Variants in EZR observed in about 807,000 individuals in gnomAD.
EZR encodes the protein cytovillin 2.
EZR carries 40 observed loss-of-function variants against 74.8 expected under a neutral mutation model. The ratio of observed to expected loss-of-function variants is 0.53; its 90% CI spans 0.42 to 0.70. The LOEUF (loss-of-function observed/expected upper bound fraction) is 0.70. EZR is among the 30% of genes least tolerant of loss of function. The pLI is 0.00. For synonymous variants in EZR, 341 were observed against 283.3 expected (o/e 1.20, Z -2.05); for missense variants, 678 against 755.8 (o/e 0.90, Z 1.21).
chr6:158,803,505 C>A (rs1777233605), intron 2 of EZR, among the ~76,000 whole-genome samples: 1 of 129,390 alleles, frequency 7.7e-6, no homozygotes, highest in Non-Finnish European at 1.6e-5. Context: ...TTTACCAACT[C>A]CAGGGTAAAT....
rs755883473 is a variant in EZR, at chr6:158,770,901, C to A, written c.960-7G>T. ...CTCTGTTTCCAGCTGTTGCCTGGTG[C>A]AGGGAAAAAGAGGCACAGGGAGATT... On this transcript the variant is annotated splice_region_variant and splice_polypyrimidine_tract_variant and intron_variant, in intron 9 of 13. Transcript: ENST00000367075. 5.6e-6 allele frequency: 9 copies of A among 1,614,004 alleles called. No individual in the cohort carries two copies. Among genetic ancestry groups the A allele is most frequent in the Non-Finnish European group, 6.8e-6 (8 of 1,180,024 alleles).
chr6:158,780,154 C>T (rs960317884), intron 7 of EZR, among the ~76,000 whole-genome samples: 3 of 148,778 alleles, frequency 2.0e-5, no homozygotes, highest in Admixed American at 2.0e-4. Flanking sequence ...TTGCACTCCA[C>T]CCTGGGTGAC....
rs552039243 is a variant in EZR at position 158,795,254 on chromosome 6, A to AAAAT, written c.13-5887_13-5884dup. Among the ~76,000 whole-genome samples, 292 of 151,998 alleles carry AAAAT rather than the reference A, an allele frequency of 1.9e-3. 2 individuals carry two copies. Among genetic ancestry groups the AAAAT allele is most frequent in the African/African-American group, 4.4e-3 (182 of 41,432 alleles). ...GTGACAGGGTGAGACTCCATCGCAA[A>AAAAT]AAATAAATAAATAAATAAATAAATA... is the stretch of plus-strand genomic sequence containing the variant. On this transcript the variant is annotated intron_variant, in intron 2 of 13. Transcript: ENST00000367075.
At chr6:158,794,477 A>T (rs1777024246) in intron 2 of EZR, among the ~76,000 whole-genome samples, 1 of 152,230 alleles carries the variant, frequency 6.6e-6, no homozygotes, top group South Asian at 2.1e-4. Context: ...CAATAATGCC[A>T]GAGGAATAAG....
rs191682370 is a variant in EZR at position 158,812,781 on chromosome 6, G to C, written c.12+5301C>G. Among the ~76,000 whole-genome samples the C allele has an allele frequency of 2.1e-3, 319 of 152,106 alleles. 3 individuals carry two copies. The highest frequency in any genetic ancestry group is 3.3e-3 in the Non-Finnish European group (227 of 67,998). Reference sequence around the variant, plus strand: ...CTTCTCCAGGATTACTTACCTCAGCGATGGCACCACCACACATCCACTTGC... The same window carrying C: ...CTTCTCCAGGATTACTTACCTCAGCCATGGCACCACCACACATCCACTTGC... On this transcript the variant is annotated intron_variant, in intron 2 of 13. Transcript: ENST00000367075.
Position 158,765,926 on chromosome 6 carries a change from A to AAC in EZR, c.*986_*987dup, listed in dbSNP as rs1399458010. 7.4e-6 allele frequency: 1 copy of AAC among 134,550 alleles called. No individual in the cohort carries two copies. Among genetic ancestry groups the AAC allele is most frequent in the African/African-American group, 2.7e-5 (1 of 37,234 alleles). The allele number at this position is 134,550 out of a possible 1,614,324, so 8.3% of individuals were successfully genotyped here. ...GGCAGAGAGAGACTGCAAACAAACA[A>AAC]ACACAAGCAAACAGAGTCTCTTCAC... On this transcript the variant is annotated 3_prime_UTR_variant, in exon 14 of 14. Coordinates refer to ENST00000367075, the MANE Select transcript of EZR (RefSeq NM_001111077.2).
At chr6:158,781,956 C>T (rs1077202) in intron 7 of EZR, among the ~76,000 whole-genome samples, 61,813 of 151,610 alleles carry the variant, frequency 0.41, 13,253 homozygotes, top group Non-Finnish European at 0.49. Flanking sequence ...GACGGGGTTT[C>T]GCCATGTTCC....
chr6:158,780,830 AG>A (rs1791415475), intron 7 of EZR, among the ~76,000 whole-genome samples: 2 of 152,336 alleles, frequency 1.3e-5, no homozygotes, highest in African/African-American at 2.4e-5. Flanking sequence ...AATGCCTGTC[AG>A]GAGGGCGCTT....
intron 1 of EZR, among the ~76,000 whole-genome samples, 181 bp downstream of exon 1, chr6:158,819,136 G>C (rs1294910727): frequency 6.6e-6 from 1 of 152,008 alleles, no homozygotes; most frequent in African/African-American, 2.4e-5. Flanking sequence ...CGAGGGGAAG[G>C]TCGCGGGGCC....
chr6:158,777,540 G>A (rs537269953), intron 7 of EZR, among the ~76,000 whole-genome samples: 9 of 152,162 alleles, frequency 5.9e-5, no homozygotes, highest in Non-Finnish European at 1.2e-4. Flanking sequence ...TGGAAATAAC[G>A]ACAAATCCTC....
intron 7 of EZR, among the ~76,000 whole-genome samples, chr6:158,778,040 C>G (rs1323198315): frequency 6.6e-6 from 1 of 152,228 alleles, no homozygotes. Context: ...TGCCCTGCTA[C>G]TGACTTCAGC....
intron 2 of EZR, among the ~76,000 whole-genome samples, chr6:158,814,277 C>A (rs1233877296): frequency 6.6e-6 from 1 of 152,170 alleles, no homozygotes; most frequent in African/African-American, 2.4e-5. Context: ...AGTGCTGCCG[C>A]GTGCGCCCCC....
chr6:158,784,986 A>G (rs1406978558), intron 5 of EZR, among the ~76,000 whole-genome samples: 1 of 152,212 alleles, frequency 6.6e-6, no homozygotes, highest in Non-Finnish European at 1.5e-5. Context: ...CAAATGGGGT[A>G]ATTTTTGTGA....
intron 7 of EZR, among the ~76,000 whole-genome samples, chr6:158,778,321 G>A (rs1244045029): frequency 2.0e-5 from 3 of 152,138 alleles, no homozygotes; most frequent in Non-Finnish European, 2.9e-5. Flanking sequence ...TTAGGCCTCC[G>A]GCTCTCTGGT....
chr6:158,817,291 A>G (rs553083025), intron 2 of EZR, among the ~76,000 whole-genome samples: 1 of 152,334 alleles, frequency 6.6e-6, no homozygotes, highest in Non-Finnish European at 1.5e-5. Context: ...TAGAATACAT[A>G]CAACTTTCTA....
At chr6:158,803,836 C>T (rs1222553700) in intron 2 of EZR, among the ~76,000 whole-genome samples, 1 of 151,472 alleles carries the variant, frequency 6.6e-6, no homozygotes, top group East Asian at 1.9e-4. Flanking sequence ...AAAAAGCGGA[C>T]AAACCAGTCC....
chr6:158,791,706 ATT>A (rs57581855), intron 2 of EZR, among the ~76,000 whole-genome samples: 3 of 96,238 alleles, frequency 3.1e-5, no homozygotes, highest in South Asian at 3.9e-4. Flanking sequence ...TTCAGACTCC[ATT>A]TTTTTTTTTT....
At chr6:158,818,506 C>T (rs1431541623) in intron 1 of EZR, among the ~76,000 whole-genome samples, 1 of 79,068 alleles carries the variant, frequency 1.3e-5, no homozygotes, top group Non-Finnish European at 2.4e-5. Flanking sequence ...GGCGCAGGCC[C>T]GGGAGAGAGA....
chr6:158,787,405 C>T (rs1791612098), intron 3 of EZR, among the ~76,000 whole-genome samples: 1 of 152,192 alleles, frequency 6.6e-6, no homozygotes, highest in South Asian at 2.1e-4. Context: ...CCATGAACGA[C>T]TTATTTTTAA....
Sources: allele counts gnomAD v4.1 joint callset (sites outside exome capture counted in the v4.1 genomes callset), GRCh38; gene constraint gnomAD v4.1.1; transcripts MANE v1.5; gene names NCBI Gene and HGNC (gene_info 2026-07-23, HGNC 2026-07-21).